CBLB: variants seen among roughly 807,000 people sequenced by gnomAD.
CBLB encodes the protein Cbl proto-oncogene B.
In CBLB, 31 loss-of-function variants were observed where a neutral mutation model predicts 104.9. The ratio of observed to expected loss-of-function variants is 0.30; its 90% CI spans 0.22 to 0.40. The LOEUF (loss-of-function observed/expected upper bound fraction) is 0.40, where lower values mean the gene tolerates loss of function less well. Among genes scored for constraint, CBLB ranks in the 10% least tolerant of loss-of-function variants. The pLI is 1.00. For missense variants in CBLB, 1,062 were observed against 1,214.6 expected (o/e 0.87, Z 1.87); for synonymous variants, 440 against 422.6 (o/e 1.04, Z -0.51).
At chr3:105,863,323 T>C (rs916865546) in intron 2 of CBLB, among the ~76,000 whole-genome samples, 1 of 152,148 alleles carries the variant, frequency 6.6e-6, no homozygotes, top group Non-Finnish European at 1.5e-5. Flanking sequence ...AACAAAACTG[T>C]CCAGACAATT....
rs12492643 is a variant in CBLB, at chr3:105,659,029, G to C, written c.2890C>G (p.Arg964Gly). 37 of 1,613,882 alleles carry C rather than the reference G, an allele frequency of 2.3e-5. No individual in the cohort carries two copies. Among genetic ancestry groups the C allele is most frequent in the Non-Finnish European group, 3.1e-5 (37 of 1,179,876 alleles). The change falls in exon 19 of 19, where the codon CGG becomes GGG. Residue 964 changes from arginine (R) to glycine (G), a missense_variant. Arg to Gly is a moderately radical substitution (Grantham distance 125, BLOSUM62 -2). Around this residue, in one of 2 missense-constraint regions of CBLB, gnomAD observed 605 missense variants for 582.6 expected, o/e 1.04. Transcript: ENST00000394030. ...AAGGCAAATTCTCGGAGGATGCTCC[G>C]GGCAACTTCGACATTATTCTGGGCT... Reference protein sequence around the residue: ...EIAQNNVEVARSILREFAFPP... With the variant: ...EIAQNNVEVAGSILREFAFPP...
chr3:105,752,473 C>G (rs1159040578), intron 4 of CBLB, among the ~76,000 whole-genome samples: 1 of 152,092 alleles, frequency 6.6e-6, no homozygotes, highest in Non-Finnish European at 1.5e-5. Flanking sequence ...CCTAATTCGG[C>G]AGAAGAAAGA....
chr3:105,716,467 T>C (rs1450299653), intron 10 of CBLB, among the ~76,000 whole-genome samples: 1 of 152,188 alleles, frequency 6.6e-6, no homozygotes, highest in Non-Finnish European at 1.5e-5. Flanking sequence ...TAACTCCTGA[T>C]ATAGAAGTAC....
chr3:105,803,942 G>C (rs1171280719), intron 3 of CBLB, among the ~76,000 whole-genome samples: 1 of 152,156 alleles, frequency 6.6e-6, no homozygotes. Context: ...AATGTCGAGA[G>C]TAAGTTTCTT....
chr3:105,785,862 T>C (rs1440869230), intron 3 of CBLB, among the ~76,000 whole-genome samples: 1 of 152,128 alleles, frequency 6.6e-6, no homozygotes, highest in Non-Finnish European at 1.5e-5. Context: ...TTCCCACTCA[T>C]TTTAGCCATG....
At chr3:105,733,887 C>A (rs2074613746) in intron 9 of CBLB, 122 bp downstream of exon 9, 5 of 844,086 alleles carry the variant, frequency 5.9e-6, no homozygotes, top group Non-Finnish European at 7.7e-6. Flanking sequence ...CATATAAAAT[C>A]TTTACACAAT....
Position 105,795,070 on chromosome 3 carries a change from C to T in CBLB, c.420-18528G>A, listed in dbSNP as rs139525340. On this transcript the variant is annotated intron_variant, in intron 3 of 18. Coordinates refer to ENST00000394030, the MANE Select transcript of CBLB (RefSeq NM_170662.5). Reference sequence around the variant, plus strand: ...CTGGGACTACAGACACGCACCACCACGCCCGGCTAATTTTTTGTATTTTAG... The same window carrying T: ...CTGGGACTACAGACACGCACCACCATGCCCGGCTAATTTTTTGTATTTTAG... Among the ~76,000 whole-genome samples, 977 of 152,138 alleles carry T rather than the reference C, an allele frequency of 6.4e-3. 12 individuals are homozygous for T. The highest frequency in any genetic ancestry group is 0.023 in the African/African-American group (934 of 41,498).
chr3:105,785,068 T>C (rs1170227175), intron 3 of CBLB, among the ~76,000 whole-genome samples: 3 of 152,214 alleles, frequency 2.0e-5, no homozygotes, highest in African/African-American at 7.2e-5. Context: ...AAAGGTTTCC[T>C]TGAAGGGCAC....
At chr3:105,773,155 A>T (rs747217733) in intron 4 of CBLB, among the ~76,000 whole-genome samples, 1 of 152,212 alleles carries the variant, frequency 6.6e-6, no homozygotes, top group Non-Finnish European at 1.5e-5. Context: ...ATAGACCAAC[A>T]AGCGGATAAA....
chr3:105,669,109 A>T (rs1159704015), intron 18 of CBLB, among the ~76,000 whole-genome samples: 1 of 101,304 alleles, frequency 9.9e-6, no homozygotes, highest in African/African-American at 3.8e-5. Context: ...TCCATCCCCA[A>T]CTATCCATCA....
intron 18 of CBLB, among the ~76,000 whole-genome samples, chr3:105,661,259 G>T (rs1188097910): frequency 6.6e-6 from 1 of 152,064 alleles, no homozygotes; most frequent in Non-Finnish European, 1.5e-5. Flanking sequence ...TCTTGCATCT[G>T]TAATTAAACA....
intron 4 of CBLB, among the ~76,000 whole-genome samples, chr3:105,768,767 A>G (rs183415319): frequency 1.2e-3 from 182 of 152,318 alleles, no homozygotes; most frequent in African/African-American, 4.2e-3. Context: ...GTATAGAGTA[A>G]TTAACATAGA....
chr3:105,676,716 T>C (rs1230382908), intron 17 of CBLB, among the ~76,000 whole-genome samples: 4 of 152,180 alleles, frequency 2.6e-5, no homozygotes, highest in African/African-American at 4.8e-5. Context: ...AGTTATGATA[T>C]GGTTTGGCTC....
intron 17 of CBLB, among the ~76,000 whole-genome samples, chr3:105,676,482 C>T (rs1047603723): frequency 6.6e-6 from 1 of 152,054 alleles, no homozygotes; most frequent in African/African-American, 2.4e-5. Context: ...CATCAAAGTT[C>T]CATCTATTGG....
intron 9 of CBLB, among the ~76,000 whole-genome samples, chr3:105,729,068 A>G (rs1191371553): frequency 6.6e-6 from 1 of 152,124 alleles, no homozygotes; most frequent in Non-Finnish European, 1.5e-5. Flanking sequence ...AATATTTCCT[A>G]TTGGATTCTA....
At chr3:105,711,496 T>C (rs951484063) in intron 10 of CBLB, among the ~76,000 whole-genome samples, 6 of 152,198 alleles carry the variant, frequency 3.9e-5, no homozygotes, top group Non-Finnish European at 5.9e-5. Flanking sequence ...GCTACAAAAA[T>C]GCTTACACAC....
At chr3:105,778,332 A>AAT (rs954773235) in intron 3 of CBLB, among the ~76,000 whole-genome samples, 2 of 152,106 alleles carry the variant, frequency 1.3e-5, no homozygotes, top group African/African-American at 4.8e-5. Flanking sequence ...ATAACTGTCA[A>AAT]ATAATAATAA....
chr3:105,726,755 A>G (rs1357008735), intron 9 of CBLB, among the ~76,000 whole-genome samples: 2 of 152,062 alleles, frequency 1.3e-5, no homozygotes, highest in African/African-American at 4.8e-5. Flanking sequence ...TCCTGGGTCC[A>G]TGTGTTCTCA....
rs149837548 is a variant in CBLB at position 105,715,215 on chromosome 3, C to CT, written c.1407+4831dup. Among the ~76,000 whole-genome samples the CT allele has an allele frequency of 2.3e-3, 352 of 152,310 alleles. 2 individuals are homozygous for CT. The highest frequency in any genetic ancestry group is 8.3e-3 in the African/African-American group (343 of 41,574). ...GTGATCTTACCAGTCACATCCTGGA[C>CT]TTTGTCTGAGGGCTCACATCAGATC... On this transcript the variant is annotated intron_variant, in intron 10 of 18. Transcript: ENST00000394030.
Sources: gnomAD v4.1 joint callset for allele counts (sites outside exome capture counted in the v4.1 genomes callset) on GRCh38, gnomAD v4.1.1 for gene constraint, gnomAD v4.1.1 regional missense constraint, MANE v1.5 for transcripts, NCBI Gene and HGNC (gene_info 2026-07-23, HGNC 2026-07-21) for gene names.